Variants in SLC44A2 observed in about 807,000 individuals in gnomAD.
The protein encoded by SLC44A2 is choline transporter-like protein 2.
Under a neutral mutation model 90.8 loss-of-function variants are expected in SLC44A2, and 57 were observed. That is an observed-to-expected ratio of 0.63 (90% confidence interval 0.51 to 0.78). The LOEUF is 0.78. SLC44A2 is among the 30% of genes least tolerant of loss of function. SLC44A2 has a pLI of 0.00. For synonymous variants in SLC44A2, 355 were observed against 360.7 expected, an observed-to-expected ratio of 0.98 and a Z score of 0.18; for missense variants, 794 against 919.7, an observed-to-expected ratio of 0.86 and a Z score of 1.77.
At chr19:10,621,908 C>A (rs964566797), upstream of SLC44A2, among the ~76,000 whole-genome samples, 1 of 152,196 alleles carries the variant, frequency 6.6e-6, no homozygotes, top group Admixed American at 6.5e-5. Flanking sequence ...TGAGCCACTG[C>A]GCCTGGCCTC....
At chr19:10,628,097 C>A in intron 4 of SLC44A2, 93 bp downstream of exon 4, 1 of 1,200,406 alleles carries the variant, frequency 8.3e-7, no homozygotes, top group Non-Finnish European at 1.2e-6. Context: ...TTAACAAGTG[C>A]TTATAGGCTG....
upstream of SLC44A2, among the ~76,000 whole-genome samples, chr19:10,621,557 C>T (rs575476899): frequency 1.3e-4 from 20 of 151,436 alleles, no homozygotes; most frequent in Non-Finnish European, 2.9e-4. Context: ...GATCCTCCCA[C>T]CTCCACCTCC....
At chr19:10,635,329 G>A (rs1403769323) in intron 13 of SLC44A2, 74 bp downstream of exon 13, 5 of 1,605,972 alleles carry the variant, frequency 3.1e-6, no homozygotes, top group Non-Finnish European at 3.4e-6. Flanking sequence ...GTGACCTGCA[G>A]CTTAGGGATA....
intron 1 of SLC44A2, 136 bp downstream of exon 1, chr19:10,625,806 C>T: frequency 1.3e-6 from 1 of 762,754 alleles, no homozygotes; most frequent in South Asian, 5.7e-5. Context: ...GCCTCCCCAC[C>T]ATCAGCCAGG....
chr19:10,631,516 C>T lies in SLC44A2; in HGVS notation c.483C>T (p.Val161=), dbSNP rs892936015. The change falls in exon 7 of 22, where the codon GTC becomes GTT. Residue 161 remains valine (V), a synonymous_variant. Transcript: ENST00000335757. ...EVLQDGDCPA[V]LIPSKPLARR... Reference sequence around the variant, plus strand: ...TTCAAGATGGTGACTGCCCTGCTGTCCTCATCCCCAGCAAACCCTGTGAGT... The same window carrying T: ...TTCAAGATGGTGACTGCCCTGCTGTTCTCATCCCCAGCAAACCCTGTGAGT... The T allele has an allele frequency of 6.2e-7, 1 of 1,613,934 alleles. No individual in the cohort carries two copies. The highest frequency in any genetic ancestry group is 1.7e-5 in the Admixed American group (1 of 59,984).
At chr19:10,635,333 A>AG (rs2144873509) in intron 13 of SLC44A2, 78 bp downstream of exon 13, 1 of 1,605,048 alleles carries the variant, frequency 6.2e-7, no homozygotes, top group Non-Finnish European at 8.5e-7. Context: ...CCTGCAGCTT[A>AG]GGGATAGGGC....
At chr19:10,635,714 C>G (rs1449815934) in intron 14 of SLC44A2, 199 bp downstream of exon 14, 3 of 527,346 alleles carry the variant, frequency 5.7e-6, no homozygotes, top group Admixed American at 3.8e-5. Context: ...CTGGCTTCCT[C>G]TCTTCAACTT....
intron 16 of SLC44A2, 192 bp from the exon 17 acceptor site, chr19:10,637,452 C>G: frequency 1.7e-6 from 1 of 593,440 alleles, no homozygotes; most frequent in South Asian, 2.0e-5. Flanking sequence ...CACCCTGTCA[C>G]CCAGGCTGGA....
In SLC44A2 at chr19:10,635,522, G is replaced by C. The variant is rs746138961; in HGVS notation, c.1233+7G>C. 7 of 1,610,472 alleles carry C rather than the reference G, an allele frequency of 4.3e-6. No individual in the cohort carries two copies. The highest frequency in any genetic ancestry group is 4.0e-5 in the African/African-American group (3 of 74,564). ...GAAAACCTGCAACCCAGAGGTGGGC[G>C]TCCCCGGGGTGGGGAGGGCAGGTAT... On this transcript the variant is annotated splice_region_variant and intron_variant, in intron 14 of 21. Coordinates refer to ENST00000335757, the MANE Select transcript of SLC44A2 (RefSeq NM_020428.4).
At chr19:10,634,699 T>C in intron 10 of SLC44A2, 57 bp from the exon 11 acceptor site, 9 of 1,609,892 alleles carry the variant, frequency 5.6e-6, no homozygotes, top group Non-Finnish European at 7.6e-6. Context: ...CAGTTGTAGC[T>C]GCTTTGCAAA....
At chr19:10,636,811 C>T in intron 16 of SLC44A2, 55 bp downstream of exon 16, 4 of 1,543,896 alleles carry the variant, frequency 2.6e-6, no homozygotes, top group Middle Eastern at 1.7e-4. Flanking sequence ...GGCTGAATAG[C>T]GAACCAGGAT....
intron 1 of SLC44A2, among the ~76,000 whole-genome samples, chr19:10,616,327 G>A (rs2144819310): frequency 6.6e-6 from 1 of 152,058 alleles, no homozygotes; most frequent in East Asian, 1.9e-4. Context: ...GTCTCCCCCG[G>A]CTCAAAGATT....
intron 14 of SLC44A2, 149 bp from the exon 15 acceptor site, chr19:10,636,174 A>C: frequency 1.1e-6 from 1 of 945,656 alleles, no homozygotes; most frequent in Non-Finnish European, 1.6e-6. Context: ...CACAAGCCAT[A>C]TTCTGAACTC....
chr19:10,610,740 A>C (rs1391442455), intron 1 of SLC44A2, among the ~76,000 whole-genome samples: 2 of 134,642 alleles, frequency 1.5e-5, no homozygotes, highest in African/African-American at 2.8e-5. Flanking sequence ...CCCGGGTTCA[A>C]GTGATTCTCT....
intron 10 of SLC44A2, among the ~76,000 whole-genome samples, chr19:10,633,169 T>G (rs2067015777): frequency 6.6e-6 from 1 of 151,842 alleles, no homozygotes; most frequent in Non-Finnish European, 1.5e-5. Flanking sequence ...AGTTGTTGTT[T>G]TGTTGTTGTT....
chr19:10,615,163 G>C (rs977072767), intron 1 of SLC44A2, among the ~76,000 whole-genome samples: 3 of 151,856 alleles, frequency 2.0e-5, no homozygotes, highest in Non-Finnish European at 2.9e-5. Flanking sequence ...GGGCGTGGTG[G>C]CTCACACCTG....
At chr19:10,603,226 A>G (rs563936415) in intron 1 of SLC44A2, among the ~76,000 whole-genome samples, 1 of 152,148 alleles carries the variant, frequency 6.6e-6, no homozygotes, top group African/African-American at 2.4e-5. Context: ...TCTTGGGGCG[A>G]CCTCAGGCAT....
At chr19:10,608,241 A>AT (rs1918173014) in intron 1 of SLC44A2, among the ~76,000 whole-genome samples, 1 of 145,722 alleles carries the variant, frequency 6.9e-6, no homozygotes, top group Non-Finnish European at 1.5e-5. Context: ...AAAAAAAAAA[A>AT]GGAGAGACAG....
intron 1 of SLC44A2, among the ~76,000 whole-genome samples, chr19:10,616,977 A>T (rs955239776): frequency 6.6e-6 from 1 of 151,822 alleles, no homozygotes; most frequent in African/African-American, 2.4e-5. Context: ...GCTGGAGTGC[A>T]GTGGCGCGAT....
Sources: allele counts gnomAD v4.1 joint callset (sites outside exome capture counted in the v4.1 genomes callset), GRCh38; gene constraint gnomAD v4.1.1; transcripts MANE v1.5; gene names NCBI Gene and HGNC (gene_info 2026-07-23, HGNC 2026-07-21).